The following MNAT1 variants were observed in gnomAD, a reference collection of about 807,000 sequenced individuals.
MNAT1 encodes MNAT1 component of CDK activating kinase, also known as CDK-activating kinase assembly factor MAT1.
A neutral mutation model predicts 42.0 loss-of-function variants in MNAT1; 43 were observed. The observed-to-expected ratio is 1.02, with a 90% CI of 0.80 to 1.32. The LOEUF (loss-of-function observed/expected upper bound fraction) is 1.32, where lower values mean the gene tolerates loss of function less well. Ranked by LOEUF, MNAT1 falls within the 40% of genes most tolerant of loss-of-function variation. MNAT1 has a pLI of 0.00. For missense variants in MNAT1, 306 were observed against 350.4 expected (o/e 0.87, Z 1.01); for synonymous variants, 118 against 120.0 (o/e 0.98, Z 0.11).
At chr14:60,912,945 C>T (rs1047045461) in intron 7 of MNAT1, among the ~76,000 whole-genome samples, 11 of 152,180 alleles carry the variant, frequency 7.2e-5, no homozygotes, top group Admixed American at 3.3e-4. Flanking sequence ...CCATTCTCCC[C>T]GTCACTTTCA....
chr14:60,741,119 A>G (rs1224666708), intron 1 of MNAT1, among the ~76,000 whole-genome samples: 1 of 152,054 alleles, frequency 6.6e-6, no homozygotes, highest in Non-Finnish European at 1.5e-5. Context: ...GTCTCTTGTA[A>G]TATGCTTTTT....
At chr14:60,758,865 C>A (rs888223016) in intron 1 of MNAT1, among the ~76,000 whole-genome samples, 13 of 152,114 alleles carry the variant, frequency 8.5e-5, no homozygotes, top group African/African-American at 3.1e-4. Flanking sequence ...TTAATATTTT[C>A]TGTTAGTATT....
chr14:60,835,396 A>T (rs767596224), intron 6 of MNAT1, among the ~76,000 whole-genome samples: 1 of 151,990 alleles, frequency 6.6e-6, no homozygotes, highest in Non-Finnish European at 1.5e-5. Context: ...TTCTTTCCAT[A>T]TTTAGTGCTT....
intron 1 of MNAT1, among the ~76,000 whole-genome samples, chr14:60,759,012 G>A (rs1053551080): frequency 5.9e-5 from 9 of 152,068 alleles, no homozygotes; most frequent in African/African-American, 2.2e-4. Context: ...ACATCATCCT[G>A]TAGTTCAGTA....
At chr14:60,886,412 T>C (rs1008202051) in intron 7 of MNAT1, among the ~76,000 whole-genome samples, 2 of 152,018 alleles carry the variant, frequency 1.3e-5, no homozygotes, top group African/African-American at 4.8e-5. Flanking sequence ...TTGTCTTCAG[T>C]GTTTCATATT....
At chr14:60,754,509 G>C (rs1265951473) in intron 1 of MNAT1, among the ~76,000 whole-genome samples, 2 of 151,846 alleles carry the variant, frequency 1.3e-5, no homozygotes, top group East Asian at 1.9e-4. Flanking sequence ...CACCACACCT[G>C]GTTGATTTTT....
At chr14:60,932,185 T>C (rs2035902829) in intron 7 of MNAT1, among the ~76,000 whole-genome samples, 1 of 152,042 alleles carries the variant, frequency 6.6e-6, no homozygotes. Flanking sequence ...AAGTTTAGTC[T>C]AAAATAAGAC....
intron 6 of MNAT1, among the ~76,000 whole-genome samples, chr14:60,835,968 C>G (rs1382902661): frequency 2.0e-5 from 3 of 152,094 alleles, no homozygotes; most frequent in African/African-American, 7.2e-5. Flanking sequence ...CGTCTTCACA[C>G]TTTGTTTCAT....
intron 6 of MNAT1, among the ~76,000 whole-genome samples, chr14:60,852,184 C>G (rs2139418913): frequency 6.6e-6 from 1 of 152,318 alleles, no homozygotes; most frequent in East Asian, 1.9e-4. Flanking sequence ...TCCACATCCT[C>G]TGCAGCATCT....
At chr14:60,827,987 C>T (rs2033102396) in intron 6 of MNAT1, among the ~76,000 whole-genome samples, 1 of 152,064 alleles carries the variant, frequency 6.6e-6, no homozygotes, top group South Asian at 2.1e-4. Context: ...AATGGAGGTT[C>T]TTAAAACTTA....
At chr14:60,767,784 G>A (rs574356331) in intron 1 of MNAT1, among the ~76,000 whole-genome samples, 23 of 151,496 alleles carry the variant, frequency 1.5e-4, no homozygotes, top group African/African-American at 5.1e-4. Context: ...TGTTTGTTTT[G>A]AGATGGAGTC....
chr14:60,754,341 CTTT>C (rs1302508545), intron 1 of MNAT1, among the ~76,000 whole-genome samples: 3 of 126,200 alleles, frequency 2.4e-5, no homozygotes, highest in Non-Finnish European at 3.4e-5. Flanking sequence ...GAAATTTCTT[CTTT>C]TTTTTTTTTT....
intron 1 of MNAT1, among the ~76,000 whole-genome samples, chr14:60,746,371 C>G (rs1896615438): frequency 6.6e-6 from 1 of 151,830 alleles, no homozygotes; most frequent in Non-Finnish European, 1.5e-5. Context: ...AAAAATTAGC[C>G]AGGCGTGGTG....
At chr14:60,898,812 T>C (rs1327905479) in intron 7 of MNAT1, among the ~76,000 whole-genome samples, 2 of 152,174 alleles carry the variant, frequency 1.3e-5, no homozygotes, top group African/African-American at 4.8e-5. Flanking sequence ...TTTGAGGTCT[T>C]AGCCATAAAA....
At chr14:60,891,531 A>G (rs1432747528) in intron 7 of MNAT1, among the ~76,000 whole-genome samples, 2 of 151,350 alleles carry the variant, frequency 1.3e-5, no homozygotes, top group African/African-American at 2.4e-5. Flanking sequence ...GCTAACTGCA[A>G]CCTCCGCCTC....
At chr14:60,841,204 C>T (rs2033542522) in intron 6 of MNAT1, among the ~76,000 whole-genome samples, 1 of 151,292 alleles carries the variant, frequency 6.6e-6, no homozygotes, top group Non-Finnish European at 1.5e-5. Flanking sequence ...CCCTTTCTGT[C>T]CTCCCTCTCT....
intron 6 of MNAT1, among the ~76,000 whole-genome samples, chr14:60,851,105 C>A (rs1041317486): frequency 2.0e-5 from 3 of 152,108 alleles, no homozygotes; most frequent in Non-Finnish European, 2.9e-5. Flanking sequence ...CTAGTGAATA[C>A]ATGAAAAGAC....
intron 1 of MNAT1, among the ~76,000 whole-genome samples, chr14:60,770,258 AG>A (rs1465899193): frequency 2.6e-5 from 4 of 152,198 alleles, no homozygotes; most frequent in Admixed American, 2.6e-4. Context: ...AGCATGTGAC[AG>A]GATTTCCTTT....
At chr14:60,963,208 C>T (rs577595506) in intron 7 of MNAT1, among the ~76,000 whole-genome samples, 1 of 152,280 alleles carries the variant, frequency 6.6e-6, no homozygotes, top group African/African-American at 2.4e-5. Context: ...TCTGGAACTC[C>T]TGACCTCGTG....
Sources: allele counts gnomAD v4.1 joint callset (sites outside exome capture counted in the v4.1 genomes callset), GRCh38; gene constraint gnomAD v4.1.1; transcripts MANE v1.5; gene names NCBI Gene and HGNC (gene_info 2026-07-23, HGNC 2026-07-21).